The following TNIK variants were observed in gnomAD, a reference collection of about 807,000 sequenced individuals.
TNIK encodes TRAF2 and NCK-interacting protein kinase.
In TNIK, 49 loss-of-function variants were observed where a neutral mutation model predicts 191.3. That is an observed-to-expected ratio of 0.26 (90% confidence interval 0.20 to 0.32). The LOEUF (loss-of-function observed/expected upper bound fraction) is 0.32, where lower values mean the gene tolerates loss of function less well. Ranked by LOEUF, TNIK falls within the 10% of genes least tolerant of loss-of-function variation. The pLI, the probability that TNIK is intolerant of heterozygous loss-of-function variation, is 1.00. For missense variants in TNIK, 1,155 were observed against 1,702.3 expected, an observed-to-expected ratio of 0.68 and a Z score of 5.66; for synonymous variants, 594 against 600.9, an observed-to-expected ratio of 0.99 and a Z score of 0.17.
At chr3:171,255,214 A>C (rs1160497663) in intron 2 of TNIK, among the ~76,000 whole-genome samples, 1 of 152,220 alleles carries the variant, frequency 6.6e-6, no homozygotes, top group African/African-American at 2.4e-5. Flanking sequence ...CTGGCCAACA[A>C]AACCTGATAT....
At chr3:171,091,954 C>CT (rs749686909) in intron 23 of TNIK, among the ~76,000 whole-genome samples, 1,979 of 144,310 alleles carry the variant, frequency 0.014, 26 homozygotes, top group Middle Eastern at 0.033. Context: ...TTCTTTCTTT[C>CT]TTTTTTTTTT....
chr3:171,112,248 A>T (rs1458337421), intron 18 of TNIK, among the ~76,000 whole-genome samples: 1 of 152,204 alleles, frequency 6.6e-6, no homozygotes, highest in East Asian at 1.9e-4. Flanking sequence ...ATTGGTAGAC[A>T]CAAGCATAGT....
chr3:171,407,314 A>G (rs1000573709), intron 1 of TNIK, among the ~76,000 whole-genome samples: 1 of 152,238 alleles, frequency 6.6e-6, no homozygotes, highest in Non-Finnish European at 1.5e-5. Flanking sequence ...ACATCCATCT[A>G]GATGACCTTC....
intron 12 of TNIK, among the ~76,000 whole-genome samples, chr3:171,149,823 T>C (rs1732189617): frequency 6.6e-6 from 1 of 152,234 alleles, no homozygotes; most frequent in Admixed American, 6.5e-5. Context: ...CAATCTTGTG[T>C]TGATGCTAAT....
intron 15 of TNIK, among the ~76,000 whole-genome samples, chr3:171,134,432 C>T (rs1183818432): frequency 6.6e-6 from 1 of 152,102 alleles, no homozygotes; most frequent in Non-Finnish European, 1.5e-5. Context: ...AGGCATGCAC[C>T]ACCATGCCCA....
intron 24 of TNIK, among the ~76,000 whole-genome samples, chr3:171,086,976 T>A (rs1407443119): frequency 6.6e-6 from 1 of 152,222 alleles, no homozygotes; most frequent in Non-Finnish European, 1.5e-5. Flanking sequence ...TTAACACAAA[T>A]ATAAACCTCA....
chr3:171,132,391 T>C (rs1729431831), intron 15 of TNIK, among the ~76,000 whole-genome samples: 1 of 152,218 alleles, frequency 6.6e-6, no homozygotes, highest in Non-Finnish European at 1.5e-5. Context: ...TATAGCATTA[T>C]ATAGAGAGAA....
At chr3:171,291,883 T>G (rs1339024467) in intron 2 of TNIK, among the ~76,000 whole-genome samples, 2 of 152,198 alleles carry the variant, frequency 1.3e-5, no homozygotes, top group African/African-American at 4.8e-5. Context: ...TTTCATTCTG[T>G]CCCACAGGTC....
At chr3:171,195,803 C>T (rs1319692149) in intron 4 of TNIK, among the ~76,000 whole-genome samples, 1 of 152,094 alleles carries the variant, frequency 6.6e-6, no homozygotes, top group African/African-American at 2.4e-5. Context: ...CCTATAAGTG[C>T]TTATAGGGAA....
At chr3:171,297,074 A>T (rs567286050) in intron 2 of TNIK, among the ~76,000 whole-genome samples, 33 of 152,206 alleles carry the variant, frequency 2.2e-4, no homozygotes, top group African/African-American at 4.3e-4. Context: ...GCCAGTCAAG[A>T]TCCTAGGTAT....
At chr3:171,092,073 C>T (rs13097469) in intron 23 of TNIK, among the ~76,000 whole-genome samples, 2 of 151,820 alleles carry the variant, frequency 1.3e-5, no homozygotes, top group Non-Finnish European at 1.5e-5. Context: ...CCTCAGCCTC[C>T]TGAGTAGCTG....
chr3:171,393,405 C>T (rs1412852081), intron 1 of TNIK, among the ~76,000 whole-genome samples: 4 of 152,228 alleles, frequency 2.6e-5, no homozygotes, highest in Non-Finnish European at 5.9e-5. Flanking sequence ...TTACAAACAG[C>T]AATTTCCCTT....
At chr3:171,140,977 A>G (rs1263131280) in intron 12 of TNIK, among the ~76,000 whole-genome samples, 4 of 152,234 alleles carry the variant, frequency 2.6e-5, no homozygotes, top group South Asian at 2.1e-4. Context: ...TACAGAATTG[A>G]TGGCAGAGGG....
At chr3:171,449,573 A>C (rs1727927337) in intron 1 of TNIK, among the ~76,000 whole-genome samples, 1 of 151,964 alleles carries the variant, frequency 6.6e-6, no homozygotes, top group African/African-American at 2.4e-5. Context: ...CCACTTTAAA[A>C]AAAATCTATT....
intron 2 of TNIK, among the ~76,000 whole-genome samples, chr3:171,303,167 C>T (rs750729012): frequency 1.3e-3 from 199 of 152,224 alleles, no homozygotes; most frequent in Non-Finnish European, 2.3e-3. Flanking sequence ...ATCAAAACAA[C>T]TCTTCACTTA....
At chr3:171,398,284 T>C (rs963373243) in intron 1 of TNIK, among the ~76,000 whole-genome samples, 3 of 152,198 alleles carry the variant, frequency 2.0e-5, no homozygotes, top group Non-Finnish European at 4.4e-5. Flanking sequence ...AACATTGCAA[T>C]ATTTTCCCCA....
At position 171,254,830 on chromosome 3, in the gene TNIK, T is replaced by C. The variant is rs1228293970; in HGVS notation, c.124-26609A>G. 2.0e-5 allele frequency among the ~76,000 whole-genome samples: 3 copies of C among 152,318 alleles called. No individual in the cohort carries two copies. In the East Asian group the frequency reaches 5.8e-4, roughly 29 times the overall value. ...TCATAATCAGAAGTGATATGCAAAA[T>C]ATAAGTACAGAAAAGCTATTTTCAG... On this transcript the variant is annotated intron_variant, in intron 2 of 32. Coordinates refer to ENST00000436636, the MANE Select transcript of TNIK (RefSeq NM_015028.4).
chr3:171,457,421 C>T (rs1265723614), intron 1 of TNIK, among the ~76,000 whole-genome samples: 3 of 152,148 alleles, frequency 2.0e-5, no homozygotes, highest in Non-Finnish European at 4.4e-5. Flanking sequence ...ACCGAAACAG[C>T]GAGGGACTGG....
intron 12 of TNIK, among the ~76,000 whole-genome samples, chr3:171,143,156 G>A (rs1229393254): frequency 3.3e-5 from 5 of 152,198 alleles, no homozygotes; most frequent in African/African-American, 7.2e-5. Context: ...GGAGGCATCT[G>A]CCAGGGCTTT....
Sources: gnomAD v4.1 joint callset for allele counts (sites outside exome capture counted in the v4.1 genomes callset) on GRCh38, gnomAD v4.1.1 for gene constraint, MANE v1.5 for transcripts, NCBI Gene and HGNC (gene_info 2026-07-23, HGNC 2026-07-21) for gene names.